The following CCNY variants were observed in gnomAD, a reference collection of about 807,000 sequenced individuals.
CCNY encodes cyclin-Y.
In CCNY, 19 loss-of-function variants were observed where a neutral mutation model predicts 42.8. The ratio of observed to expected loss-of-function variants is 0.44; its 90% CI spans 0.31 to 0.65. The LOEUF is 0.65. Ranked by LOEUF, CCNY falls within the 30% of genes least tolerant of loss-of-function variation. The pLI, the probability that CCNY is intolerant of heterozygous loss-of-function variation, is 0.07. For synonymous variants in CCNY, 165 were observed against 162.7 expected (o/e 1.01, Z -0.11); for missense variants, 370 against 437.3 (o/e 0.85, Z 1.37).
chr10:35,263,408 G>T (rs1385767037), intron 3 of CCNY, among the ~76,000 whole-genome samples: 1 of 150,734 alleles, frequency 6.6e-6, no homozygotes, highest in Admixed American at 6.6e-5. Flanking sequence ...GAGTGTGGTG[G>T]CACGTGCCTG....
chr10:35,537,861 A>G (rs1589191062), intron 7 of CCNY, among the ~76,000 whole-genome samples: 2 of 152,186 alleles, frequency 1.3e-5, no homozygotes, highest in Admixed American at 1.3e-4. Flanking sequence ...TTAGGGAGGC[A>G]TGATTGGTTT....
At chr10:35,559,829 G>A (rs1025343975) in intron 8 of CCNY, among the ~76,000 whole-genome samples, 4 of 152,246 alleles carry the variant, frequency 2.6e-5, no homozygotes, top group African/African-American at 9.6e-5. Flanking sequence ...CTGGAGTGAG[G>A]CTGTTTCCTC....
At chr10:35,496,744 C>T (rs1313764685) in intron 2 of CCNY, among the ~76,000 whole-genome samples, 1 of 152,158 alleles carries the variant, frequency 6.6e-6, no homozygotes, top group East Asian at 1.9e-4. Flanking sequence ...CAGGAATCAG[C>T]TGAAATGGTG....
At chr10:35,433,984 G>A (rs897532484) in intron 1 of CCNY, 2 of 152,206 alleles carry the variant, frequency 1.3e-5, no homozygotes, top group African/African-American at 2.4e-5. Context: ...TTCCTTGTAT[G>A]CGAACTTAAG....
At chr10:35,382,417 C>T (rs1042983314) in intron 1 of CCNY, among the ~76,000 whole-genome samples, 1 of 152,210 alleles carries the variant, frequency 6.6e-6, no homozygotes, top group Admixed American at 6.5e-5. Flanking sequence ...GGCCGTGGCG[C>T]CTTTGCAGTG....
At chr10:35,479,717 C>T (rs1264284603) in intron 1 of CCNY, among the ~76,000 whole-genome samples, 5 of 151,160 alleles carry the variant, frequency 3.3e-5, no homozygotes, top group Non-Finnish European at 5.9e-5. Flanking sequence ...ATGTAACTAA[C>T]CTGCACAATG....
At chr10:35,369,823 A>G (rs959696497) in intron 1 of CCNY, among the ~76,000 whole-genome samples, 3 of 152,214 alleles carry the variant, frequency 2.0e-5, no homozygotes, top group Non-Finnish European at 4.4e-5. Flanking sequence ...TATTTTTATT[A>G]GAGGTGACCA....
At chr10:35,486,727 C>T (rs946586049) in intron 2 of CCNY, among the ~76,000 whole-genome samples, 2 of 152,232 alleles carry the variant, frequency 1.3e-5, no homozygotes, top group Admixed American at 6.5e-5. Context: ...AGCCAACTTC[C>T]TCTCTTCTTT....
intron 4 of CCNY, among the ~76,000 whole-genome samples, chr10:35,517,471 T>C (rs1840453644): frequency 6.6e-6 from 1 of 152,186 alleles, no homozygotes; most frequent in African/African-American, 2.4e-5. Context: ...GAAATAAGTG[T>C]TTAAATTTTA....
chr10:35,417,221 G>A (rs947227623), intron 1 of CCNY, among the ~76,000 whole-genome samples: 2 of 152,192 alleles, frequency 1.3e-5, no homozygotes, highest in Non-Finnish European at 2.9e-5. Flanking sequence ...TGTCGAGGAG[G>A]TATTTAGAAT....
rs116201308 is a variant in CCNY, at chr10:35,355,301, C to G, written c.154+18094C>G. ...AAATCCATATTTGATTTTTTTCCCTCAGGGATTCCCAAGCATAGTAGAGCT... is the reference window on the plus strand; with the variant it reads ...AAATCCATATTTGATTTTTTTCCCTGAGGGATTCCCAAGCATAGTAGAGCT... On this transcript the variant is annotated intron_variant, in intron 1 of 9. Coordinates refer to ENST00000374704, the MANE Select transcript of CCNY (RefSeq NM_145012.6). 5.0e-3 allele frequency among the ~76,000 whole-genome samples: 762 copies of G among 152,118 alleles called. 8 individuals are homozygous for G. The highest frequency in any genetic ancestry group is 0.017 in the African/African-American group (726 of 41,494).
intron 1 of CCNY, among the ~76,000 whole-genome samples, chr10:35,417,127 C>T (rs1023844088): frequency 1.3e-5 from 2 of 152,198 alleles, no homozygotes; most frequent in Admixed American, 6.5e-5. Flanking sequence ...CATTGTGGCC[C>T]TGGCTGATTG....
At chr10:35,284,541 A>G (rs1191024411) in intron 3 of CCNY, among the ~76,000 whole-genome samples, 2 of 152,058 alleles carry the variant, frequency 1.3e-5, no homozygotes, top group Non-Finnish European at 2.9e-5. Flanking sequence ...CCAGAAGTTC[A>G]TTAATTTTAT....
At chr10:35,492,487 A>G (rs536617317) in intron 2 of CCNY, among the ~76,000 whole-genome samples, 1 of 152,320 alleles carries the variant, frequency 6.6e-6, no homozygotes, top group Admixed American at 6.5e-5. Flanking sequence ...AGTGACACAT[A>G]GAGTAATGGT....
chr10:35,499,789 T>G (rs370947818), intron 2 of CCNY, among the ~76,000 whole-genome samples: 1 of 152,206 alleles, frequency 6.6e-6, no homozygotes, highest in African/African-American at 2.4e-5. Flanking sequence ...GGGAACCCTG[T>G]CAGTTCTGTG....
intron 2 of CCNY, among the ~76,000 whole-genome samples, chr10:35,489,270 G>A (rs891366238): frequency 1.3e-5 from 2 of 152,168 alleles, no homozygotes; most frequent in African/African-American, 4.8e-5. Flanking sequence ...AAATGAGGCA[G>A]TATTCATCAT....
Position 35,569,163 on chromosome 10 carries a change from T to A in CCNY, c.1019T>A (p.Ile340Asn). Reference sequence around the variant, plus strand: ...CTGCCCCGGTGGTCCCCAGCCATCATCTCTTAACTACGGAGGCCCGCCGGA... The same window carrying A: ...CTGCCCCGGTGGTCCCCAGCCATCAACTCTTAACTACGGAGGCCCGCCGGA... ...LTLPRWSPAI[I>N]S Residue 340 changes from isoleucine to asparagine, a missense_variant, in exon 10 of 10, where the codon ATC becomes AAC. By Grantham distance (149) the Ile-to-Asn change is moderately radical. Around this residue, in one of 2 missense-constraint regions of CCNY, gnomAD observed 234 missense variants for 313.1 expected, o/e 0.75. Transcript: ENST00000374704. 1 of 1,602,852 alleles carries A rather than the reference T, an allele frequency of 6.2e-7. No homozygotes were observed. Among genetic ancestry groups the A allele is most frequent in the Non-Finnish European group, 8.5e-7 (1 of 1,171,856 alleles).
chr10:35,450,336 C>G (rs967227596), intron 1 of CCNY, among the ~76,000 whole-genome samples: 2 of 151,970 alleles, frequency 1.3e-5, no homozygotes, highest in African/African-American at 4.8e-5. Context: ...ATTAAAACAC[C>G]AGGCCTTGCA....
intron 1 of CCNY, among the ~76,000 whole-genome samples, chr10:35,411,475 A>C (rs1214185532): frequency 7.0e-6 from 1 of 141,936 alleles, no homozygotes; most frequent in Non-Finnish European, 1.5e-5. Context: ...AAATCAAGCC[A>C]CTGCACTCCA....
Sources: allele counts gnomAD v4.1 joint callset (sites outside exome capture counted in the v4.1 genomes callset), GRCh38; gene constraint gnomAD v4.1.1; regional missense constraint gnomAD v4.1.1; transcripts MANE v1.5; gene names NCBI Gene and HGNC (gene_info 2026-07-23, HGNC 2026-07-21).